The following SLC24A2 variants were observed in gnomAD, a reference collection of about 807,000 sequenced individuals.
The protein encoded by SLC24A2 is sodium/potassium/calcium exchanger 2.
In SLC24A2, 36 loss-of-function variants were observed where a neutral mutation model predicts 62.0. The observed-to-expected ratio is 0.58, with a 90% CI of 0.44 to 0.77. The LOEUF is 0.77. SLC24A2 is among the 30% of genes least tolerant of loss of function. The pLI, the probability that SLC24A2 is intolerant of heterozygous loss-of-function variation, is 0.00. For missense variants in SLC24A2, 846 were observed against 817.9 expected (o/e 1.03, Z -0.42); for synonymous variants, 358 against 294.0 (o/e 1.22, Z -2.23).
rs750169589 is a variant in SLC24A2 at position 19,528,044 on chromosome 9, C to G, written c.1569+5G>C. 1 of 1,555,742 alleles carries G rather than the reference C, an allele frequency of 6.4e-7. No individual in the cohort carries two copies. On this transcript the variant is annotated splice_donor_5th_base_variant and intron_variant, in intron 9 of 10. Transcript: ENST00000341998. ...GGCAGAGGCATGTCACTATCAAAAT[C>G]TTACCTGGTGCGCCCACCAGACCAT...
chr9:19,518,768 C>CAT (rs1361937759), intron 10 of SLC24A2, among the ~76,000 whole-genome samples: 2 of 151,986 alleles, frequency 1.3e-5, no homozygotes, highest in Non-Finnish European at 2.9e-5. Flanking sequence ...ATTTTAGAAG[C>CAT]ATAAAGAAAA....
intron 2 of SLC24A2, among the ~76,000 whole-genome samples, chr9:19,732,025 G>A (rs1423269064): frequency 6.6e-6 from 1 of 152,168 alleles, no homozygotes. Flanking sequence ...AGATTGGGTT[G>A]GCACATGGCA....
the SLC24A2 span, among the ~76,000 whole-genome samples, chr9:20,106,910 T>C: frequency 2.6e-5 from 4 of 152,272 alleles, no homozygotes; most frequent in African/African-American, 7.2e-5. Flanking sequence ...AGTCAAATTG[T>C]CCCTGTTTGC....
the SLC24A2 span, among the ~76,000 whole-genome samples, chr9:20,133,560 A>G: frequency 6.6e-6 from 1 of 152,152 alleles, no homozygotes; most frequent in African/African-American, 2.4e-5. Context: ...TAAATTGTCA[A>G]TTTTTCTCGA....
rs189427769 is a variant in SLC24A2, at chr9:19,756,389, T to G, written c.930+29548A>C. Among the ~76,000 whole-genome samples, 691 of 152,298 alleles carry G rather than the reference T, an allele frequency of 4.5e-3. 6 individuals carry two copies. Among genetic ancestry groups the G allele is most frequent in the Non-Finnish European group, 6.1e-3 (415 of 68,014 alleles). On this transcript the variant is annotated intron_variant, in intron 2 of 10. Transcript: ENST00000341998. ...AAGAGAATCATAGGCTTAAATATTTTGTGGTGATTCTTTGCAAATATTCAA... is the reference window on the plus strand; with the variant it reads ...AAGAGAATCATAGGCTTAAATATTTGGTGGTGATTCTTTGCAAATATTCAA...
At chr9:19,919,911 C>T in the SLC24A2 span, among the ~76,000 whole-genome samples, 1 of 152,064 alleles carries the variant, frequency 6.6e-6, no homozygotes, top group Non-Finnish European at 1.5e-5. Context: ...ATGGGAACTA[C>T]AATTCAAGAT....
the SLC24A2 span, among the ~76,000 whole-genome samples, chr9:19,950,791 T>C: frequency 6.6e-6 from 1 of 152,194 alleles, no homozygotes; most frequent in Non-Finnish European, 1.5e-5. Flanking sequence ...CAGACTATGT[T>C]TCCTAATTAC....
At chr9:20,026,167 T>C in the SLC24A2 span, among the ~76,000 whole-genome samples, 3 of 152,162 alleles carry the variant, frequency 2.0e-5, no homozygotes, top group Middle Eastern at 3.2e-3. Flanking sequence ...AAAATGCAAC[T>C]GTCTACAGGG....
chr9:19,879,311 A>G, the SLC24A2 span, among the ~76,000 whole-genome samples: 1 of 152,294 alleles, frequency 6.6e-6, no homozygotes, highest in Middle Eastern at 3.4e-3. Context: ...GTTAATTTGT[A>G]TGCAGTCTGC....
At chr9:20,226,260 A>G in the SLC24A2 span, among the ~76,000 whole-genome samples, 1 of 152,160 alleles carries the variant, frequency 6.6e-6, no homozygotes, top group Non-Finnish European at 1.5e-5. Flanking sequence ...TTCTGTCAAA[A>G]GCATCCAAAA....
intron 4 of SLC24A2, among the ~76,000 whole-genome samples, chr9:19,606,861 T>G (rs1489109431): frequency 6.6e-6 from 1 of 152,238 alleles, no homozygotes; most frequent in African/African-American, 2.4e-5. Context: ...TTGGTGGATC[T>G]GATAATGTGA....
At chr9:19,812,732 A>G in the SLC24A2 span, among the ~76,000 whole-genome samples, 2 of 151,984 alleles carry the variant, frequency 1.3e-5, no homozygotes, top group Non-Finnish European at 1.5e-5. Context: ...AATATTGTTT[A>G]TTACTAGATA....
chr9:19,873,439 CT>C, the SLC24A2 span, among the ~76,000 whole-genome samples: 3 of 136,984 alleles, frequency 2.2e-5, no homozygotes, highest in African/African-American at 8.7e-5. Context: ...TCTCTCCTTC[CT>C]TTCTTTCTCT....
chr9:19,949,816 G>T, the SLC24A2 span, among the ~76,000 whole-genome samples: 1 of 152,192 alleles, frequency 6.6e-6, no homozygotes, highest in Non-Finnish European at 1.5e-5. Context: ...AAGACACTTG[G>T]ATCATGGATC....
chr9:19,574,268 A>G (rs1453134603), intron 6 of SLC24A2, among the ~76,000 whole-genome samples: 2 of 152,218 alleles, frequency 1.3e-5, no homozygotes, highest in Non-Finnish European at 2.9e-5. Flanking sequence ...CAAGTAATAG[A>G]GGCCAAAGGC....
At chr9:20,083,287 A>C in the SLC24A2 span, among the ~76,000 whole-genome samples, 3 of 152,216 alleles carry the variant, frequency 2.0e-5, no homozygotes, top group African/African-American at 4.8e-5. Context: ...GACTGCCTGC[A>C]TCTCCAGTTC....
intron 2 of SLC24A2, among the ~76,000 whole-genome samples, chr9:19,722,657 T>TAA (rs11336427): frequency 2.9e-4 from 43 of 149,200 alleles, no homozygotes; most frequent in African/African-American, 4.9e-4. Context: ...AATAGGATAT[T>TAA]AAAAAAAAAA....
the SLC24A2 span, among the ~76,000 whole-genome samples, chr9:20,146,072 G>T: frequency 7.6e-4 from 116 of 152,040 alleles, 2 homozygotes; most frequent in South Asian, 0.014. Context: ...CCAATCTGGG[G>T]TATTAAAAAA....
chr9:19,712,592 G>A (rs1820746173), intron 2 of SLC24A2, among the ~76,000 whole-genome samples: 1 of 152,144 alleles, frequency 6.6e-6, no homozygotes, highest in Non-Finnish European at 1.5e-5. Context: ...ACCTGGCCCT[G>A]AGCTATCTTC....
Sources: allele counts gnomAD v4.1 joint callset (sites outside exome capture counted in the v4.1 genomes callset), GRCh38; gene constraint gnomAD v4.1.1; transcripts MANE v1.5; gene names NCBI Gene and HGNC (gene_info 2026-07-23, HGNC 2026-07-21).